Variants in STK33 observed in about 807,000 individuals in gnomAD.
STK33 encodes serine/threonine-protein kinase 33.
Under a neutral mutation model 58.0 loss-of-function variants are expected in STK33, and 52 were observed. The ratio of observed to expected loss-of-function variants is 0.90; its 90% CI spans 0.72 to 1.13. The LOEUF (loss-of-function observed/expected upper bound fraction) is 1.13. STK33 is among the 50% of genes most tolerant of loss of function. STK33 has a pLI of 0.00. For synonymous variants in STK33, 215 were observed against 200.1 expected (o/e 1.07, Z -0.63); for missense variants, 630 against 604.2 (o/e 1.04, Z -0.45).
At chr11:8,434,400 T>G (rs185397731) in intron 14 of STK33, among the ~76,000 whole-genome samples, 52 of 152,204 alleles carry the variant, frequency 3.4e-4, no homozygotes, top group African/African-American at 1.1e-3. Context: ...TTCCCATATA[T>G]CTCTAATAAT....
intron 1 of STK33, among the ~76,000 whole-genome samples, chr11:8,564,101 A>T (rs1015319189): frequency 6.6e-6 from 1 of 152,184 alleles, no homozygotes; most frequent in Non-Finnish European, 1.5e-5. Flanking sequence ...TTTATTTGTA[A>T]AATATGACTT....
chr11:8,511,788 T>C (rs1952346379), intron 1 of STK33, among the ~76,000 whole-genome samples: 1 of 152,198 alleles, frequency 6.6e-6, no homozygotes, highest in Non-Finnish European at 1.5e-5. Context: ...ATTTACTGAC[T>C]TGTATTAAAC....
chr11:8,436,453 C>A, intron 12 of STK33, among the ~76,000 whole-genome samples: 1 of 152,048 alleles, frequency 6.6e-6, no homozygotes, highest in Non-Finnish European at 1.5e-5. Context: ...GGTTAAAATA[C>A]GGGAAGGTGA....
intron 11 of STK33, among the ~76,000 whole-genome samples, chr11:8,444,063 A>G (rs573203585): frequency 6.6e-6 from 1 of 152,330 alleles, no homozygotes; most frequent in East Asian, 1.9e-4. Flanking sequence ...GAAGGAATTC[A>G]GAAAAATAAA....
intron 15 of STK33, among the ~76,000 whole-genome samples, chr11:8,406,811 A>G (rs1156728057): frequency 6.6e-6 from 1 of 152,070 alleles, no homozygotes; most frequent in Non-Finnish European, 1.5e-5. Context: ...CCTTTACAAT[A>G]TATATAATTT....
chr11:8,549,669 A>G (rs1956174279), intron 1 of STK33, among the ~76,000 whole-genome samples: 1 of 152,030 alleles, frequency 6.6e-6, no homozygotes, highest in African/African-American at 2.4e-5. Flanking sequence ...ACTCACTATT[A>G]GTCTGTTCAG....
chr11:8,436,287 T>G (rs946131485), intron 12 of STK33, 148 bp from the exon 13 acceptor site: 1 of 462,826 alleles, frequency 2.2e-6, no homozygotes, highest in Non-Finnish European at 3.8e-6. Context: ...GAAGTAAAAA[T>G]GGAAACAACA....
intron 1 of STK33, among the ~76,000 whole-genome samples, chr11:8,571,912 A>G (rs939387407): frequency 6.7e-6 from 1 of 150,180 alleles, no homozygotes; most frequent in Non-Finnish European, 1.5e-5. Context: ...AATTTAAATT[A>G]AAATTAAATT....
intron 2 of STK33, among the ~76,000 whole-genome samples, chr11:8,479,954 T>C (rs1949660338): frequency 6.6e-6 from 1 of 152,188 alleles, no homozygotes; most frequent in Non-Finnish European, 1.5e-5. Flanking sequence ...AGTGTTGATT[T>C]TGTGGAAAAG....
intron 1 of STK33, among the ~76,000 whole-genome samples, chr11:8,562,969 G>A (rs1242089992): frequency 6.6e-6 from 1 of 152,118 alleles, no homozygotes; most frequent in Non-Finnish European, 1.5e-5. Context: ...TGTTTAAGCA[G>A]AGATTAGAGT....
the STK33 span, among the ~76,000 whole-genome samples, chr11:8,363,741 A>C: frequency 6.6e-6 from 1 of 152,248 alleles, no homozygotes; most frequent in Non-Finnish European, 1.5e-5. Context: ...TGTGACCTTT[A>C]GAAGTTTCTT....
chr11:8,559,872 G>A (rs1392623640), intron 1 of STK33, among the ~76,000 whole-genome samples: 3 of 151,920 alleles, frequency 2.0e-5, no homozygotes, highest in Non-Finnish European at 4.4e-5. Context: ...ATCACATATG[G>A]TTGTAAATAA....
intron 12 of STK33, among the ~76,000 whole-genome samples, chr11:8,438,337 A>C (rs1301100247): frequency 1.3e-5 from 2 of 152,254 alleles, no homozygotes; most frequent in Admixed American, 6.5e-5. Flanking sequence ...ATAGAAATCA[A>C]AACAGCAGAG....
Position 8,554,041 on chromosome 11 carries a change from C to A in STK33, c.-466+40042G>T, listed in dbSNP as rs564577614. Among the ~76,000 whole-genome samples, 3 of 152,116 alleles carry A rather than the reference C, an allele frequency of 2.0e-5. No homozygotes were observed. In the South Asian group the frequency reaches 6.2e-4, roughly 32 times the overall value. On this transcript the variant is annotated intron_variant, in intron 1 of 15. Transcript: ENST00000687296. ...AGAGTAGGAGAAAATATTTACAAAC[C>A]ATATATCTGAAAAGGGATTAATATC...
intron 9 of STK33, among the ~76,000 whole-genome samples, chr11:8,456,273 T>C (rs1027077706): frequency 6.6e-6 from 1 of 152,244 alleles, no homozygotes; most frequent in Non-Finnish European, 1.5e-5. Context: ...TTTGTATTCC[T>C]CAGATCAAAT....
intron 14 of STK33, among the ~76,000 whole-genome samples, chr11:8,419,355 T>G (rs1941584758): frequency 6.6e-6 from 1 of 152,194 alleles, no homozygotes. Flanking sequence ...TCCCCACTGC[T>G]TGGTTTTGTC....
At chr11:8,429,790 G>C (rs573502781) in intron 14 of STK33, among the ~76,000 whole-genome samples, 1 of 152,150 alleles carries the variant, frequency 6.6e-6, no homozygotes, top group South Asian at 2.1e-4. Context: ...TTTAACTCCT[G>C]ACTCTTGGTT....
chr11:8,523,350 C>G (rs1239928438), intron 1 of STK33, among the ~76,000 whole-genome samples: 4 of 151,574 alleles, frequency 2.6e-5, no homozygotes, highest in Non-Finnish European at 5.9e-5. Context: ...AAGTGAGGAG[C>G]GTCTCTGCCC....
intron 1 of STK33, among the ~76,000 whole-genome samples, chr11:8,584,252 A>C (rs1202475579): frequency 6.6e-6 from 1 of 152,128 alleles, no homozygotes; most frequent in Non-Finnish European, 1.5e-5. Context: ...TCCCACCTCT[A>C]ACCAATCTTC....
Sources: gnomAD v4.1 joint callset for allele counts (sites outside exome capture counted in the v4.1 genomes callset) on GRCh38, gnomAD v4.1.1 for gene constraint, MANE v1.5 for transcripts, NCBI Gene and HGNC (gene_info 2026-07-23, HGNC 2026-07-21) for gene names.